The following TMEM135 variants were observed in gnomAD, a reference collection of about 807,000 sequenced individuals.
TMEM135 encodes the protein transmembrane protein 135, also known as peroxisomal membrane protein 52.
TMEM135 carries 30 observed loss-of-function variants against 60.3 expected under a neutral mutation model. That is an observed-to-expected ratio of 0.50 (90% CI 0.37 to 0.68). The LOEUF (loss-of-function observed/expected upper bound fraction) is 0.68, where lower values mean the gene tolerates loss of function less well. Among genes scored for constraint, TMEM135 ranks in the 30% least tolerant of loss-of-function variants. The pLI is 0.00. For missense variants in TMEM135, 468 were observed against 548.8 expected (o/e 0.85, Z 1.47); for synonymous variants, 190 against 186.7 (o/e 1.02, Z -0.14).
chr11:87,302,360 G>C lies in TMEM135; in HGVS notation c.616G>C (p.Val206Leu). 1 of 1,613,846 alleles carries C rather than the reference G, an allele frequency of 6.2e-7. No individual in the cohort carries two copies. Among genetic ancestry groups the C allele is most frequent in the Non-Finnish European group, 8.5e-7 (1 of 1,179,924 alleles). The change falls in exon 8 of 15, where the codon GTG becomes CTG. Residue 206 changes from valine (V) to leucine (L), a missense_variant. Val to Leu is a conservative substitution (Grantham distance 32). Transcript: ENST00000305494. ...SFSPEAAYAK[V>L]EQKREQHEEK... is the part of the protein sequence containing the mutation. ...TTCACCAGAGGCAGCATATGCAAAA[G>C]TGGAACAAAAGAGAGAGCAACATGA...
intron 6 of TMEM135, among the ~76,000 whole-genome samples, chr11:87,292,354 A>T (rs543115314): frequency 6.6e-6 from 1 of 152,230 alleles, no homozygotes; most frequent in African/African-American, 2.4e-5. Context: ...GGGATTCTTT[A>T]TTGTTCACAG....
intron 1 of TMEM135, among the ~76,000 whole-genome samples, chr11:87,064,726 T>C (rs1262201299): frequency 6.6e-6 from 1 of 152,052 alleles, no homozygotes; most frequent in Non-Finnish European, 1.5e-5. Flanking sequence ...TTACTAAAAA[T>C]ACAAAAAATT....
At chr11:87,311,123 AC>A (rs1337457447) in intron 10 of TMEM135, among the ~76,000 whole-genome samples, 1 of 145,724 alleles carries the variant, frequency 6.9e-6, no homozygotes, top group Non-Finnish European at 1.5e-5. Flanking sequence ...ATATATATAT[AC>A]GTACACATAT....
chr11:87,158,753 C>T (rs1938777760), intron 5 of TMEM135, among the ~76,000 whole-genome samples: 2 of 152,128 alleles, frequency 1.3e-5, no homozygotes, highest in South Asian at 2.1e-4. Context: ...CGTGAGCCAC[C>T]GCGCCCGGCC....
rs994992923 is a variant in TMEM135, at chr11:87,328,651, A to G, written c.*7318A>G. 4 of 453,936 alleles carry G rather than the reference A, an allele frequency of 8.8e-6. No homozygotes were observed. The highest frequency in any genetic ancestry group is 8.0e-5 in the African/African-American group (4 of 49,986). 28.1% of individuals were successfully genotyped at this position (453,936 alleles called of 1,614,324 possible). On this transcript the variant is annotated 3_prime_UTR_variant, in exon 15 of 15. Coordinates refer to ENST00000305494, the MANE Select transcript of TMEM135 (RefSeq NM_022918.4). ...AGAATAATGGCCTCCAGCTCCATCC[A>G]AGATGCTGCAAAAGACATTATTTCA...
At chr11:87,098,493 G>T (rs1222841486) in intron 4 of TMEM135, among the ~76,000 whole-genome samples, 3 of 152,204 alleles carry the variant, frequency 2.0e-5, no homozygotes, top group Middle Eastern at 3.4e-3. Context: ...TGAACTGCGT[G>T]TGAACACTCC....
chr11:87,194,965 CT>C (rs1331879170), intron 5 of TMEM135, among the ~76,000 whole-genome samples: 1 of 152,072 alleles, frequency 6.6e-6, no homozygotes, highest in Non-Finnish European at 1.5e-5. Context: ...TTGTTTCTAA[CT>C]TTTTAAATTT....
At chr11:87,053,686 T>G (rs566866804) in intron 1 of TMEM135, among the ~76,000 whole-genome samples, 32 of 152,330 alleles carry the variant, frequency 2.1e-4, no homozygotes, top group African/African-American at 5.8e-4. Context: ...ATAGAATGCC[T>G]AATAGTGGTT....
intron 6 of TMEM135, among the ~76,000 whole-genome samples, chr11:87,286,958 A>AT (rs1942177670): frequency 6.6e-6 from 1 of 152,194 alleles, no homozygotes; most frequent in African/African-American, 2.4e-5. Flanking sequence ...TTTAATTTTG[A>AT]TACTGAGTGA....
intron 5 of TMEM135, among the ~76,000 whole-genome samples, chr11:87,223,470 C>T (rs1383832132): frequency 6.6e-6 from 1 of 152,008 alleles, no homozygotes; most frequent in Non-Finnish European, 1.5e-5. Flanking sequence ...GTGGCCCGGC[C>T]TGAAAAGCAC....
intron 6 of TMEM135, among the ~76,000 whole-genome samples, chr11:87,281,220 G>T (rs941331016): frequency 5.5e-4 from 83 of 152,150 alleles, no homozygotes; most frequent in African/African-American, 2.0e-3. Context: ...CCCTACAATT[G>T]CTGTCAAAGA....
At chr11:87,265,875 C>T (rs1327170255) in intron 6 of TMEM135, among the ~76,000 whole-genome samples, 1 of 152,066 alleles carries the variant, frequency 6.6e-6, no homozygotes, top group African/African-American at 2.4e-5. Flanking sequence ...CTAGTTTTCT[C>T]ATTGTTCCTT....
intron 5 of TMEM135, among the ~76,000 whole-genome samples, chr11:87,168,504 G>A (rs894841981): frequency 2.0e-5 from 3 of 152,102 alleles, no homozygotes; most frequent in African/African-American, 4.8e-5. Flanking sequence ...GGTACGTTGT[G>A]TCTTTGTTCT....
At chr11:87,139,888 T>C (rs920712579) in intron 4 of TMEM135, among the ~76,000 whole-genome samples, 2 of 152,198 alleles carry the variant, frequency 1.3e-5, no homozygotes, top group African/African-American at 4.8e-5. Context: ...AGTATGTATA[T>C]GATATATGTA....
chr11:87,272,096 C>T (rs214743), intron 6 of TMEM135, among the ~76,000 whole-genome samples: 21,572 of 140,708 alleles, frequency 0.15, 2,109 homozygotes, highest in African/African-American at 0.27. Flanking sequence ...CTCTGTCACC[C>T]AGGCTGGAGT....
chr11:87,137,610 T>C (rs1938137068), intron 4 of TMEM135, among the ~76,000 whole-genome samples: 1 of 152,158 alleles, frequency 6.6e-6, no homozygotes, highest in Non-Finnish European at 1.5e-5. Context: ...TCAGCTCTGA[T>C]AGGAAGAGGG....
At chr11:87,236,808 C>A in intron 6 of TMEM135, 124 bp downstream of exon 6, 1 of 891,674 alleles carries the variant, frequency 1.1e-6, no homozygotes, top group Non-Finnish European at 1.8e-6. Context: ...TCCCCCCGCA[C>A]CCCCGCCCAG....
chr11:87,259,126 G>T (rs10444382), intron 6 of TMEM135: 3 of 740,686 alleles, frequency 4.1e-6, no homozygotes, highest in South Asian at 2.8e-5. Context: ...ATCTCCATCA[G>T]GCCCCATAGT....
intron 6 of TMEM135, among the ~76,000 whole-genome samples, chr11:87,254,703 A>C (rs1941486292): frequency 6.6e-6 from 1 of 152,206 alleles, no homozygotes; most frequent in Non-Finnish European, 1.5e-5. Flanking sequence ...CCAGCATGTT[A>C]GCACTAAAGC....
Sources: gnomAD v4.1 joint callset for allele counts (sites outside exome capture counted in the v4.1 genomes callset) on GRCh38, gnomAD v4.1.1 for gene constraint, MANE v1.5 for transcripts, NCBI Gene and HGNC (gene_info 2026-07-23, HGNC 2026-07-21) for gene names.